Variants in GBA2 observed in about 807,000 individuals in gnomAD.
The protein encoded by GBA2 is non-lysosomal glucosylceramidase.
GBA2 carries 79 observed loss-of-function variants against 112.9 expected under a neutral mutation model. The ratio of observed to expected loss-of-function variants is 0.70; its 90% CI spans 0.58 to 0.84. The LOEUF is 0.84. GBA2 is among the 40% of genes least tolerant of loss of function. The pLI, the probability that GBA2 is intolerant of heterozygous loss-of-function variation, is 0.00. For missense variants in GBA2, 1,043 were observed against 1,190.0 expected (o/e 0.88, Z 1.82); for synonymous variants, 403 against 434.3 (o/e 0.93, Z 0.90).
chr9:35,747,728 C>T (rs1467547885), intron 1 of GBA2, among the ~76,000 whole-genome samples: 1 of 152,236 alleles, frequency 6.6e-6, no homozygotes, highest in Non-Finnish European at 1.5e-5. Context: ...GGTTCTACAT[C>T]TATGGCAGTG....
chr9:35,748,870 G>A lies in GBA2; in HGVS notation c.-166C>T. On this transcript the variant is annotated 5_prime_UTR_variant, in exon 1 of 17. Coordinates refer to ENST00000378103, the MANE Select transcript of GBA2 (RefSeq NM_020944.3). ...GGAGCCGGGGAGCTCTTGCTTCAGT[G>A]GGGGCGGCGACAGCAAAGAAGCCGC... 3.6e-6 allele frequency: 2 copies of A among 562,002 alleles called. No homozygotes were observed. The highest frequency in any genetic ancestry group is 5.5e-5 in the South Asian group (2 of 36,284). The allele number at this position is 562,002 out of a possible 1,614,324, so 34.8% of individuals were successfully genotyped here.
Position 35,737,395 on chromosome 9 carries a change from C to T in GBA2, c.2558G>A (p.Trp853Ter). The change falls in exon 17 of 17, where the codon TGG becomes TAG. Residue 853 changes from tryptophan (W) to a stop codon, truncating the protein, a stop_gained. Transcript: ENST00000378103. LOFTEE classifies it high-confidence loss of function. This position sits in a 1 kb window ranked among gnomAD's most constrained non-coding sequence, Gnocchi z 4.1. ...CTGGAAGGCCAGACCCAGGCGCTCC[C>T]ACACGGTACGGTAGCAGCCTTCAGC... ...QTAEGCYRTV[W>*]ERLGLAFQTP... is the part of the protein sequence containing the mutation. 6.2e-7 allele frequency: 1 copy of T among 1,614,158 alleles called. No individual in the cohort carries two copies. Among genetic ancestry groups the T allele is most frequent in the Non-Finnish European group, 8.5e-7 (1 of 1,180,006 alleles).
rs1224364063 is a variant in GBA2, at chr9:35,737,400, G to A, written c.2553C>T (p.Thr851=). 10 of 1,614,114 alleles carry A rather than the reference G, an allele frequency of 6.2e-6. No individual in the cohort carries two copies. The highest frequency in any genetic ancestry group is 2.2e-5 in the East Asian group (1 of 44,878). Residue 851 remains threonine, a synonymous_variant, in exon 17 of 17, where the codon ACC becomes ACT. Coordinates refer to ENST00000378103, the MANE Select transcript of GBA2 (RefSeq NM_020944.3). The surrounding 1 kb of genome is among the most constrained non-coding windows in gnomAD (Gnocchi z 4.1). ...GFQTAEGCYR[T]VWERLGLAFQ... ...AGGCCAGACCCAGGCGCTCCCACAC[G>A]GTACGGTAGCAGCCTTCAGCTGTCT...
chr9:35,747,446 G>C (rs888463221), intron 1 of GBA2, among the ~76,000 whole-genome samples: 57 of 152,132 alleles, frequency 3.7e-4, no homozygotes, highest in African/African-American at 1.3e-3. Context: ...GGCAGCATCA[G>C]GCCCTTCCCA....
Position 35,744,739 on chromosome 9 carries a change from G to A in GBA2, c.360-33C>T, listed in dbSNP as rs748432639. 7.7e-6 allele frequency: 9 copies of A among 1,167,266 alleles called. No individual in the cohort carries two copies. In the South Asian group the frequency reaches 1.1e-4, roughly 14 times the overall value. The allele number at this position is 1,167,266 out of a possible 1,614,324, so 72.3% of individuals were successfully genotyped here. Reference sequence around the variant, plus strand: ...GCAAGAGGCAATGTGAGTGGAAGGGGGCAGGTGGGCAGCTGTTCACAGGCT... The same window carrying A: ...GCAAGAGGCAATGTGAGTGGAAGGGAGCAGGTGGGCAGCTGTTCACAGGCT... On this transcript the variant is annotated intron_variant, in intron 1 of 16. Transcript: ENST00000378103.
chr9:35,747,810 T>C lies in GBA2; in HGVS notation c.359+536A>G, dbSNP rs139207090. 5.2e-4 allele frequency among the ~76,000 whole-genome samples: 79 copies of C among 152,330 alleles called. No homozygotes were observed. In the East Asian group the frequency reaches 0.015, roughly 29 times the overall value. On this transcript the variant is annotated intron_variant, in intron 1 of 16. Coordinates refer to ENST00000378103, the MANE Select transcript of GBA2 (RefSeq NM_020944.3). ...AGAATGACAGCACCTTCTCATCACT[T>C]CAGAGGTGAGGGCAGGGAGGCTCTT...
Position 35,740,941 on chromosome 9 carries a change from C to A in GBA2, c.910G>T (p.Gly304Cys). 6.2e-7 allele frequency: 1 copy of A among 1,614,200 alleles called. No homozygotes were observed. The highest frequency in any genetic ancestry group is 8.5e-7 in the Non-Finnish European group (1 of 1,180,030). Reference protein sequence around the residue: ...GLGGGDDAPGGLWNEPFCLER... With the variant: ...GLGGGDDAPGCLWNEPFCLER... ...AGACAGAAGGGCTCATTCCACAAAC[C>A]CCCTGGGGCATCGTCTCCACCACCC... is the stretch of plus-strand genomic sequence containing the variant. The change falls in exon 5 of 17, where the codon GGT becomes TGT. Residue 304 changes from glycine (G) to cysteine (C), a missense_variant. Transcript: ENST00000378103. The surrounding 1 kb of genome is among the most constrained non-coding windows in gnomAD (Gnocchi z 4.7).
chr9:35,739,550 C>T (rs947715119), intron 9 of GBA2, 78 bp downstream of exon 9: 1 of 1,424,954 alleles, frequency 7.0e-7, no homozygotes, highest in South Asian at 1.2e-5. Context: ...TCATCCTAAC[C>T]AATACCCTGG....
At chr9:35,739,155 G>T in intron 10 of GBA2, 46 bp from the exon 11 acceptor site, 2 of 1,281,436 alleles carry the variant, frequency 1.6e-6, no homozygotes, top group Non-Finnish European at 1.1e-6. Flanking sequence ...GCATGCCTGA[G>T]GAGGGGCACA....
chr9:35,743,583 T>G (rs1365489699), intron 3 of GBA2, among the ~76,000 whole-genome samples: 2 of 152,136 alleles, frequency 1.3e-5, no homozygotes, highest in Non-Finnish European at 2.9e-5. Flanking sequence ...GATTTGCTAG[T>G]CATTTTTCCT....
Position 35,741,011 on chromosome 9 carries a change from G to A in GBA2, c.840C>T (p.Asp280=), listed in dbSNP as rs372070908. The change falls in exon 5 of 17, where the codon GAC becomes GAT. Residue 280 remains aspartate (D), a synonymous_variant. Transcript: ENST00000378103. The surrounding 1 kb of genome is among the most constrained non-coding windows in gnomAD (Gnocchi z 4.6). ...VFVWDVENEG[D]EALDVSIMFS... ...ACATGATGGACACATCTAGAGCTTC[G>A]TCCCCTTCATTTTCCACATCCCACA... 43 of 1,613,814 alleles carry A rather than the reference G, an allele frequency of 2.7e-5. No homozygotes were observed. The highest frequency in any genetic ancestry group is 8.9e-5 in the East Asian group (4 of 44,892).
Position 35,741,157 on chromosome 9 carries a change from C to G in GBA2, c.787-93G>C. The stretch of plus-strand genomic sequence containing the variant: ...AGTCCTGGGCACACAGAGGACCTGA[C>G]TCAAATACTCCCCAGTGTACTCTTC... On this transcript the variant is annotated intron_variant, in intron 4 of 16. Coordinates refer to ENST00000378103, the MANE Select transcript of GBA2 (RefSeq NM_020944.3). The surrounding 1 kb of genome is among the most constrained non-coding windows in gnomAD (Gnocchi z 4.6). 7.6e-7 allele frequency: 1 copy of G among 1,314,472 alleles called. No individual in the cohort carries two copies. Among genetic ancestry groups the G allele is most frequent in the Non-Finnish European group, 1.1e-6 (1 of 936,020 alleles). 81.4% of individuals were successfully genotyped at this position (1,314,472 alleles called of 1,614,324 possible).
chr9:35,741,280 G>A lies in GBA2; in HGVS notation c.787-216C>T. 1.7e-6 allele frequency: 1 copy of A among 581,454 alleles called. No individual in the cohort carries two copies. The allele number at this position is 581,454 out of a possible 1,614,324, so 36.0% of individuals were successfully genotyped here. On this transcript the variant is annotated intron_variant, in intron 4 of 16. Transcript: ENST00000378103. The surrounding 1 kb of genome is among the most constrained non-coding windows in gnomAD (Gnocchi z 4.6). Reference sequence around the variant, plus strand: ...TGGGCGGTGGTTCTGGGAAGCCAGTGTGATGTTCATGGCTCCAACCTCCCT... The same window carrying A: ...TGGGCGGTGGTTCTGGGAAGCCAGTATGATGTTCATGGCTCCAACCTCCCT...
intron 1 of GBA2, among the ~76,000 whole-genome samples, chr9:35,747,030 T>G (rs1438172644): frequency 6.6e-6 from 1 of 152,176 alleles, no homozygotes; most frequent in Non-Finnish European, 1.5e-5. Flanking sequence ...CTGACCTATT[T>G]GGCCTTCTCC....
intron 9 of GBA2, 92 bp downstream of exon 9, chr9:35,739,536 C>T (rs548706029): frequency 2.3e-6 from 3 of 1,331,332 alleles, no homozygotes; most frequent in African/African-American, 2.9e-5. Flanking sequence ...CACCCAACAC[C>T]CCCTCATCCT....
Position 35,737,611 on chromosome 9 carries a change from T to C in GBA2, c.2505+137A>G. 1.3e-6 allele frequency: 2 copies of C among 1,573,538 alleles called. No individual in the cohort carries two copies. The highest frequency in any genetic ancestry group is 2.3e-5 in the South Asian group (2 of 86,752). On this transcript the variant is annotated intron_variant, in intron 16 of 16. Transcript: ENST00000378103. This position sits in a 1 kb window ranked among gnomAD's most constrained non-coding sequence, Gnocchi z 4.1. Reference sequence around the variant, plus strand: ...AGAAGCCTGAAGGCAGGAGCTGGAATGCATACCAGGGAAAAATGGGAGGCT... The same window carrying C: ...AGAAGCCTGAAGGCAGGAGCTGGAACGCATACCAGGGAAAAATGGGAGGCT...
At position 35,738,807 on chromosome 9, in the gene GBA2, T is replaced by C. The variant is rs760382060; in HGVS notation, c.1892A>G (p.Asp631Gly). Residue 631 changes from aspartate to glycine, a missense_variant, in exon 12 of 17, where the codon GAC becomes GGC. Asp to Gly is a moderately conservative substitution (Grantham distance 94, BLOSUM62 -1). Transcript: ENST00000378103. ...NLKFVLQVYR[D>G]YYLTGDQNFL... ...GTTTTGATCACCCGTGAGGTAATAG[T>C]CCCGATAAACCTGCAGCACAAACTT... 1.9e-6 allele frequency: 3 copies of C among 1,614,156 alleles called. No individual in the cohort carries two copies.
chr9:35,742,348 A>G (rs1411648836), intron 3 of GBA2, among the ~76,000 whole-genome samples: 1 of 152,110 alleles, frequency 6.6e-6, no homozygotes, highest in Admixed American at 6.5e-5. Context: ...TAGTCTGTTC[A>G]TATAAAAACA....
intron 10 of GBA2, 25 bp from the exon 11 acceptor site, chr9:35,739,134 G>C: frequency 6.7e-7 from 1 of 1,487,708 alleles, no homozygotes; most frequent in Non-Finnish European, 9.3e-7. Context: ...CAGAAGGGAG[G>C]CAGGGAATGG....
Sources: gnomAD v4.1 joint callset for allele counts (sites outside exome capture counted in the v4.1 genomes callset) on GRCh38, gnomAD v4.1.1 for gene constraint, Gnocchi (gnomAD v3.1) non-coding constraint, MANE v1.5 for transcripts, NCBI Gene and HGNC (gene_info 2026-07-23, HGNC 2026-07-21) for gene names.